Variants in MERTK observed in about 807,000 individuals in gnomAD.
The protein encoded by MERTK is tyrosine-protein kinase Mer.
MERTK carries 69 observed loss-of-function variants against 99.3 expected under a neutral mutation model. The ratio of observed to expected loss-of-function variants is 0.70; its 90% CI spans 0.57 to 0.85. The LOEUF is 0.85. Among genes scored for constraint, MERTK ranks in the 40% least tolerant of loss-of-function variants. The pLI is 0.00. For synonymous variants in MERTK, 426 were observed against 467.6 expected, an observed-to-expected ratio of 0.91 and a Z score of 1.15; for missense variants, 1,125 against 1,249.4, an observed-to-expected ratio of 0.90 and a Z score of 1.50.
intron 8 of MERTK, among the ~76,000 whole-genome samples, chr2:111,986,561 G>C (rs1335422539): frequency 6.6e-6 from 1 of 152,198 alleles, no homozygotes; most frequent in Non-Finnish European, 1.5e-5. Context: ...CTCTTGAGCC[G>C]AGGCGTTCTG....
intron 4 of MERTK, among the ~76,000 whole-genome samples, chr2:111,950,798 C>T (rs988757433): frequency 2.6e-5 from 4 of 152,146 alleles, no homozygotes; most frequent in African/African-American, 4.8e-5. Flanking sequence ...AATGTTTACA[C>T]AAAAATACCT....
At chr2:111,941,967 G>A (rs1228371860) in intron 2 of MERTK, among the ~76,000 whole-genome samples, 4 of 152,156 alleles carry the variant, frequency 2.6e-5, no homozygotes, top group African/African-American at 7.2e-5. Context: ...GCTGCCAGAC[G>A]GTCCTTTGTG....
chr2:111,984,729 A>G (rs1354215197), intron 8 of MERTK, among the ~76,000 whole-genome samples: 1 of 152,204 alleles, frequency 6.6e-6, no homozygotes, highest in East Asian at 1.9e-4. Flanking sequence ...ATGAATAATT[A>G]CATTGAGTTT....
At chr2:112,000,033 A>G (rs536427849) in intron 10 of MERTK, among the ~76,000 whole-genome samples, 8 of 152,320 alleles carry the variant, frequency 5.3e-5, no homozygotes, top group East Asian at 1.9e-4. Context: ...CACAAAGTAC[A>G]TTATCCCAAG....
chr2:111,924,653 A>G lies in MERTK; in HGVS notation c.62-4467A>G, dbSNP rs143200234. On this transcript the variant is annotated intron_variant, in intron 1 of 18. Coordinates refer to ENST00000295408, the MANE Select transcript of MERTK (RefSeq NM_006343.3). ...GCTCTCCCTTGCTCAGAAGCCTTCC[A>G]GGAACTTCTCCTGCCTCGACTGGGA... Among the ~76,000 whole-genome samples, 62 of 152,250 alleles carry G rather than the reference A, an allele frequency of 4.1e-4. 1 individual carries two copies. In the East Asian group the frequency reaches 0.011, roughly 27 times the overall value.
At chr2:111,921,373 G>A (rs1474904304) in intron 1 of MERTK, among the ~76,000 whole-genome samples, 1 of 152,120 alleles carries the variant, frequency 6.6e-6, no homozygotes, top group Non-Finnish European at 1.5e-5. Flanking sequence ...GGTGGTACCT[G>A]CCTGTAGTCC....
intron 5 of MERTK, among the ~76,000 whole-genome samples, chr2:111,966,286 A>G (rs1451964517): frequency 6.6e-6 from 1 of 152,218 alleles, no homozygotes; most frequent in East Asian, 1.9e-4. Context: ...TATACTCAAA[A>G]AAGATGCTAA....
chr2:111,969,982 C>T lies in MERTK; in HGVS notation c.960+1730C>T, dbSNP rs111337916. Among the ~76,000 whole-genome samples the T allele has an allele frequency of 7.6e-3, 1,150 of 152,226 alleles. 15 individuals are homozygous for T. The highest frequency in any genetic ancestry group is 0.026 in the African/African-American group (1,086 of 41,542). On this transcript the variant is annotated intron_variant, in intron 6 of 18. Transcript: ENST00000295408. ...CTGGGATTACAGGCGTGAGCCACCG[C>T]GCCCTGCCCAGCCTTTCTTAATTCT...
rs900619497 is a variant in MERTK, at chr2:111,961,610, G to T, written c.758-3581G>T. On this transcript the variant is annotated intron_variant, in intron 4 of 18. Transcript: ENST00000295408. The stretch of plus-strand genomic sequence containing the variant: ...CATGTTATTTTTGAAGAAATGAAAG[G>T]TTACCACCGAATCATAGGACAGAGA... 3.3e-5 allele frequency among the ~76,000 whole-genome samples: 5 copies of T among 152,060 alleles called. No homozygotes were observed. The East Asian group carries it at 7.7e-4, about 23-fold the overall frequency.
intron 4 of MERTK, among the ~76,000 whole-genome samples, chr2:111,958,429 T>C (rs545144906): frequency 2.6e-5 from 4 of 152,334 alleles, no homozygotes; most frequent in African/African-American, 9.6e-5. Flanking sequence ...CATTAAAGTT[T>C]AGCTGAAAAA....
In MERTK at chr2:112,023,165, A is replaced by G. The variant is rs367585403; in HGVS notation, c.2486+771A>G. ...TGCGGTGGCTCACGCTTGTAATCCCAGCACTTTGGGAGGCCGACGCGGGTG... is the reference window on the plus strand; with the variant it reads ...TGCGGTGGCTCACGCTTGTAATCCCGGCACTTTGGGAGGCCGACGCGGGTG... On this transcript the variant is annotated intron_variant, in intron 18 of 18. Coordinates refer to ENST00000295408, the MANE Select transcript of MERTK (RefSeq NM_006343.3). Among the ~76,000 whole-genome samples the G allele has an allele frequency of 4.6e-5, 7 of 152,280 alleles. No individual in the cohort carries two copies. In the East Asian group the frequency reaches 1.2e-3, roughly 25 times the overall value.
Position 112,021,486 on chromosome 2 carries a change from G to A in MERTK, c.2254G>A (p.Asp752Asn), listed in dbSNP as rs750451461. The A allele has an allele frequency of 1.7e-5, 27 of 1,613,764 alleles. 1 individual carries two copies. In the South Asian group the frequency reaches 2.2e-4, roughly 13 times the overall value. Reference sequence around the variant, plus strand: ...CCTCTCTAAGAAGATTTACAGTGGCGATTATTACCGCCAAGGCCGCATTGC... The same window carrying A: ...CCTCTCTAAGAAGATTTACAGTGGCAATTATTACCGCCAAGGCCGCATTGC... ...FGLSKKIYSGDYYRQGRIAKM... is the reference protein window; with the variant it reads ...FGLSKKIYSGNYYRQGRIAKM... Residue 752 changes from aspartate to asparagine, a missense_variant, in exon 17 of 19, where the codon GAT (aspartate) becomes AAT (asparagine). Physicochemically the swap from Asp to Asn is conservative, Grantham distance 23. Coordinates refer to ENST00000295408, the MANE Select transcript of MERTK (RefSeq NM_006343.3).
intron 9 of MERTK, chr2:111,995,041 T>C (rs543003446): frequency 1.2e-5 from 2 of 165,118 alleles, no homozygotes; most frequent in Non-Finnish European, 2.7e-5. Flanking sequence ...CCCTTAGCTG[T>C]CTACAATTGG....
intron 4 of MERTK, among the ~76,000 whole-genome samples, chr2:111,959,688 TG>T (rs1685208990): frequency 1.3e-5 from 2 of 152,028 alleles, no homozygotes; most frequent in South Asian, 4.2e-4. Flanking sequence ...TGCCCCAGGG[TG>T]GGGCAACTTC....
intron 6 of MERTK, among the ~76,000 whole-genome samples, chr2:111,968,593 G>A (rs1685405559): frequency 6.6e-6 from 1 of 151,796 alleles, no homozygotes; most frequent in African/African-American, 2.4e-5. Flanking sequence ...GAGTACAATG[G>A]TGTGATCCCG....
At chr2:112,011,077 C>T (rs1654117255) in intron 15 of MERTK, among the ~76,000 whole-genome samples, 1 of 152,178 alleles carries the variant, frequency 6.6e-6, no homozygotes, top group African/African-American at 2.4e-5. Flanking sequence ...CATTCTCGGA[C>T]ACACCCCACC....
At chr2:112,020,950 T>C (rs889680746) in intron 16 of MERTK, among the ~76,000 whole-genome samples, 1 of 151,712 alleles carries the variant, frequency 6.6e-6, no homozygotes, top group African/African-American at 2.4e-5. Context: ...TCCCAGCACT[T>C]TGGAATGCCA....
At chr2:111,955,081 C>T (rs17042095) in intron 4 of MERTK, among the ~76,000 whole-genome samples, 79,148 of 151,302 alleles carry the variant, frequency 0.52, 20,810 homozygotes, top group South Asian at 0.56. Flanking sequence ...TCCCAGGGGA[C>T]GCCATTCTAT....
chr2:111,963,216 A>G (rs1196191178), intron 4 of MERTK, among the ~76,000 whole-genome samples: 1 of 152,180 alleles, frequency 6.6e-6, no homozygotes, highest in Non-Finnish European at 1.5e-5. Flanking sequence ...CGCATGTCCT[A>G]CCTCCAGCCC....
Sources: gnomAD v4.1 joint callset for allele counts (sites outside exome capture counted in the v4.1 genomes callset) on GRCh38, gnomAD v4.1.1 for gene constraint, MANE v1.5 for transcripts, NCBI Gene and HGNC (gene_info 2026-07-23, HGNC 2026-07-21) for gene names.